Variants in MKLN1 observed in about 807,000 individuals in gnomAD.
The protein encoded by MKLN1 is muskelin 1, also known as muskelin.
MKLN1 carries 18 observed loss-of-function variants against 99.0 expected under a neutral mutation model. That is an observed-to-expected ratio of 0.18 (90% CI 0.13 to 0.27). MKLN1 has a LOEUF of 0.27. Among genes scored for constraint, MKLN1 ranks in the 10% least tolerant of loss-of-function variants. The probability of loss-of-function intolerance (pLI) is 1.00; values close to 1 mark genes in which losing one functional copy is unlikely to be tolerated. For missense variants in MKLN1, 621 were observed against 875.9 expected, an observed-to-expected ratio of 0.71 and a Z score of 3.67; for synonymous variants, 288 against 293.2, an observed-to-expected ratio of 0.98 and a Z score of 0.18.
chr7:131,312,312 C>T (rs558810672), intron 3 of MKLN1, among the ~76,000 whole-genome samples: 4 of 152,092 alleles, frequency 2.6e-5, no homozygotes, highest in Non-Finnish European at 2.9e-5. Context: ...TGTGAGCCAC[C>T]GCATCTAGCC....
At chr7:131,266,535 G>T (rs573619560) in intron 3 of MKLN1, among the ~76,000 whole-genome samples, 1 of 152,124 alleles carries the variant, frequency 6.6e-6, no homozygotes, top group Non-Finnish European at 1.5e-5. Context: ...CAACGAATCT[G>T]ATCACTGAGA....
chr7:131,144,285 G>A (rs929696897), intron 2 of MKLN1, among the ~76,000 whole-genome samples: 22 of 151,208 alleles, frequency 1.5e-4, no homozygotes, highest in African/African-American at 3.6e-4. Flanking sequence ...TCAGGAGATC[G>A]AGACCATCCT....
At chr7:131,402,307 T>C (rs563050874) in intron 6 of MKLN1, among the ~76,000 whole-genome samples, 1 of 152,212 alleles carries the variant, frequency 6.6e-6, no homozygotes, top group Non-Finnish European at 1.5e-5. Context: ...CATGAGAGTG[T>C]AGCAGTTCAG....
chr7:131,215,222 AT>A (rs1796963102), intron 3 of MKLN1, among the ~76,000 whole-genome samples: 1 of 151,740 alleles, frequency 6.6e-6, no homozygotes, highest in Non-Finnish European at 1.5e-5. Context: ...TAATTTTTGT[AT>A]TTTTAGTAGA....
chr7:131,384,408 T>C (rs890265948), intron 2 of MKLN1, among the ~76,000 whole-genome samples: 2 of 151,770 alleles, frequency 1.3e-5, no homozygotes, highest in Non-Finnish European at 2.9e-5. Context: ...AAGAAAGCCA[T>C]GTGAAGATGG....
At chr7:131,416,888 C>A (rs1172490208) in intron 8 of MKLN1, among the ~76,000 whole-genome samples, 2 of 144,026 alleles carry the variant, frequency 1.4e-5, no homozygotes, top group Admixed American at 1.5e-4. Context: ...GAGGCTGAGT[C>A]AGAAGGATTG....
intron 7 of MKLN1, among the ~76,000 whole-genome samples, chr7:131,414,019 C>T (rs1420173788): frequency 6.6e-6 from 1 of 152,044 alleles, no homozygotes; most frequent in East Asian, 1.9e-4. Flanking sequence ...TCAGTTCTTA[C>T]ATAAAATAGT....
chr7:131,447,008 G>T (rs1406500593), intron 12 of MKLN1, among the ~76,000 whole-genome samples: 1 of 152,140 alleles, frequency 6.6e-6, no homozygotes, highest in Non-Finnish European at 1.5e-5. Flanking sequence ...TGTAAAAAAC[G>T]AAGGATAGGG....
chr7:131,457,556 TA>T (rs1434848777), intron 12 of MKLN1, among the ~76,000 whole-genome samples: 4 of 151,968 alleles, frequency 2.6e-5, no homozygotes, highest in African/African-American at 9.7e-5. Context: ...GTAGAGAAAC[TA>T]AGAAAGATAG....
intron 17 of MKLN1, among the ~76,000 whole-genome samples, chr7:131,484,739 T>C (rs913885885): frequency 2.6e-5 from 4 of 152,142 alleles, no homozygotes. Flanking sequence ...TTCAGTGAGG[T>C]ATAGTCTACA....
At chr7:131,239,718 G>A (rs6966501) in intron 3 of MKLN1, among the ~76,000 whole-genome samples, 21,521 of 152,092 alleles carry the variant, frequency 0.14, 1,699 homozygotes, top group African/African-American at 0.2. Context: ...GATTGGATAC[G>A]GTGGCTCATC....
intron 12 of MKLN1, among the ~76,000 whole-genome samples, chr7:131,452,460 G>A (rs1796207630): frequency 6.6e-6 from 1 of 151,362 alleles, no homozygotes; most frequent in African/African-American, 2.4e-5. Flanking sequence ...TTTCATTTTG[G>A]CCCTGGGAAT....
At chr7:131,275,250 G>A (rs1267116171) in intron 3 of MKLN1, among the ~76,000 whole-genome samples, 4 of 151,752 alleles carry the variant, frequency 2.6e-5, no homozygotes, top group African/African-American at 4.8e-5. Flanking sequence ...CAGCAAGAGA[G>A]CTCTCTGAAG....
intron 3 of MKLN1, among the ~76,000 whole-genome samples, chr7:131,207,199 T>A (rs1563252451): frequency 1.3e-5 from 2 of 152,082 alleles, no homozygotes; most frequent in African/African-American, 4.8e-5. Context: ...TGTTATTTAT[T>A]TTTATTTATT....
chr7:131,368,946 C>T (rs1265441477), intron 1 of MKLN1, among the ~76,000 whole-genome samples: 11 of 151,804 alleles, frequency 7.2e-5, no homozygotes, highest in Non-Finnish European at 1.5e-4. Flanking sequence ...ACCATTTGTA[C>T]TTACTTTATA....
At chr7:131,411,204 A>G (rs973864228) in intron 6 of MKLN1, 102 bp from the exon 7 acceptor site, 1 of 624,338 alleles carries the variant, frequency 1.6e-6, no homozygotes, top group Non-Finnish European at 2.8e-6. Context: ...GTGACATATT[A>G]GTAATTTCTT....
rs201151870 is a variant in MKLN1 at position 131,262,132 on chromosome 7, A to AT, written c.-179+59167dup. Among the ~76,000 whole-genome samples, 16 of 151,892 alleles carry AT rather than the reference A, an allele frequency of 1.1e-4. No homozygotes were observed. The East Asian group carries it at 1.4e-3, about 13-fold the overall frequency. On this transcript the variant is annotated intron_variant, in intron 3 of 7. Coordinates refer to the MKLN1 transcript ENST00000416992. ...AACAAATCCTGGAACCTAAAAAAAG[A>AT]TTTTTTTTTAAAGAATAACTCGGCT...
intron 10 of MKLN1, among the ~76,000 whole-genome samples, chr7:131,440,308 A>C (rs1795801641): frequency 6.6e-6 from 1 of 152,218 alleles, no homozygotes; most frequent in Non-Finnish European, 1.5e-5. Flanking sequence ...TGTAAGCCAG[A>C]TGAGAGTCAT....
chr7:131,467,543 G>A (rs1194706007), intron 15 of MKLN1, among the ~76,000 whole-genome samples: 1 of 152,146 alleles, frequency 6.6e-6, no homozygotes, highest in Non-Finnish European at 1.5e-5. Flanking sequence ...GGGGTGGGGA[G>A]TGTTCTAGAT....
Sources: gnomAD v4.1 joint callset for allele counts (sites outside exome capture counted in the v4.1 genomes callset) on GRCh38, gnomAD v4.1.1 for gene constraint, MANE v1.5 for transcripts, NCBI Gene and HGNC (gene_info 2026-07-23, HGNC 2026-07-21) for gene names.